The following CSMD1 variants were observed in gnomAD, a reference collection of about 807,000 sequenced individuals.
CSMD1 encodes CUB and sushi domain-containing protein 1.
Under a neutral mutation model 417.5 loss-of-function variants are expected in CSMD1, and 213 were observed. That is an observed-to-expected ratio of 0.51 (90% CI 0.46 to 0.57). The LOEUF (loss-of-function observed/expected upper bound fraction) is 0.57, where lower values mean the gene tolerates loss of function less well. CSMD1 is among the 20% of genes least tolerant of loss of function. The pLI, the probability that CSMD1 is intolerant of heterozygous loss-of-function variation, is 0.00. For missense variants in CSMD1, 6,923 were observed against 4,529.7 expected, an observed-to-expected ratio of 1.53 and a Z score of -15.17; for synonymous variants, 2,862 against 1,736.8, an observed-to-expected ratio of 1.65 and a Z score of -16.11.
intron 5 of CSMD1, among the ~76,000 whole-genome samples, chr8:3,979,810 T>C (rs913883368): frequency 3.9e-4 from 60 of 152,196 alleles, no homozygotes; most frequent in African/African-American, 1.3e-3. Flanking sequence ...GTTATGACAA[T>C]ACAAACCCAT....
chr8:3,717,317 T>C (rs1045986215), intron 6 of CSMD1, among the ~76,000 whole-genome samples: 5 of 152,234 alleles, frequency 3.3e-5, no homozygotes, highest in Non-Finnish European at 7.3e-5. Flanking sequence ...TGAACTTGTA[T>C]GTCAGTTGTT....
At chr8:3,532,382 G>A (rs13249635) in intron 10 of CSMD1, among the ~76,000 whole-genome samples, 1 of 152,164 alleles carries the variant, frequency 6.6e-6, no homozygotes, top group South Asian at 2.1e-4. Flanking sequence ...GTGTGTATGA[G>A]CGAGTGGTGA....
chr8:4,438,381 C>T (rs563062049), intron 2 of CSMD1, among the ~76,000 whole-genome samples: 15 of 152,250 alleles, frequency 9.9e-5, no homozygotes, highest in South Asian at 2.1e-4. Flanking sequence ...GAGCATGCAG[C>T]TTAATTATAA....
chr8:4,341,063 G>C (rs565797374), intron 3 of CSMD1, among the ~76,000 whole-genome samples: 55 of 151,980 alleles, frequency 3.6e-4, no homozygotes, highest in African/African-American at 1.2e-3. Context: ...CAACGTAAAA[G>C]GTAAAACTTG....
chr8:3,863,351 G>A (rs776045666), intron 5 of CSMD1, among the ~76,000 whole-genome samples: 4 of 149,268 alleles, frequency 2.7e-5, no homozygotes, highest in Admixed American at 6.7e-5. Context: ...AGTTGAGATC[G>A]TGCCACTGCA....
chr8:3,510,685 T>C (rs1797027624), intron 10 of CSMD1, among the ~76,000 whole-genome samples: 1 of 44,708 alleles, frequency 2.2e-5, no homozygotes. Flanking sequence ...AGGATTACTT[T>C]TTAATGATTG....
At chr8:2,984,648 C>A (rs142755188) in intron 54 of CSMD1, among the ~76,000 whole-genome samples, 2 of 152,194 alleles carry the variant, frequency 1.3e-5, no homozygotes, top group African/African-American at 4.8e-5. Context: ...CGCCTCGCCT[C>A]ATTCTTTTAC....
At chr8:4,246,820 G>A (rs190836287) in intron 3 of CSMD1, among the ~76,000 whole-genome samples, 1 of 152,232 alleles carries the variant, frequency 6.6e-6, no homozygotes. Flanking sequence ...CATTTGACTT[G>A]TAAATAAATG....
chr8:4,015,857 G>C (rs150974386), intron 4 of CSMD1, among the ~76,000 whole-genome samples: 2 of 152,110 alleles, frequency 1.3e-5, no homozygotes, highest in Non-Finnish European at 2.9e-5. Context: ...TTCGTATGCT[G>C]CCGTTTTCTA....
intron 2 of CSMD1, among the ~76,000 whole-genome samples, chr8:4,433,013 C>T (rs529114435): frequency 6.6e-6 from 1 of 152,056 alleles, no homozygotes; most frequent in East Asian, 1.9e-4. Context: ...CCCACAGGAG[C>T]GTCAACACTG....
chr8:3,036,976 A>G (rs897167706), intron 50 of CSMD1, among the ~76,000 whole-genome samples: 2 of 152,038 alleles, frequency 1.3e-5, no homozygotes, highest in Non-Finnish European at 2.9e-5. Context: ...CCATCTTCCT[A>G]TCTATCATCC....
chr8:4,563,323 C>CCA (rs1311667795), intron 2 of CSMD1, among the ~76,000 whole-genome samples: 1 of 152,192 alleles, frequency 6.6e-6, no homozygotes, highest in African/African-American at 2.4e-5. Context: ...ATGGCGTGAA[C>CCA]CCAGGAGATA....
At chr8:4,924,061 C>A (rs1806688435) in intron 1 of CSMD1, among the ~76,000 whole-genome samples, 1 of 152,108 alleles carries the variant, frequency 6.6e-6, no homozygotes, top group Non-Finnish European at 1.5e-5. Context: ...TCACTGTAGG[C>A]AGAAAAGTGA....
intron 3 of CSMD1, among the ~76,000 whole-genome samples, chr8:4,375,711 T>C (rs1214746448): frequency 6.6e-6 from 1 of 152,178 alleles, no homozygotes; most frequent in Non-Finnish European, 1.5e-5. Context: ...TCTGCATGAC[T>C]GTTTTCTTCC....
At position 4,152,986 on chromosome 8, in the gene CSMD1, G is replaced by C. The variant is rs551752460; in HGVS notation, c.416-120887C>G. 6.6e-5 allele frequency among the ~76,000 whole-genome samples: 10 copies of C among 152,212 alleles called. No homozygotes were observed. In the East Asian group the frequency reaches 1.9e-3, roughly 29 times the overall value. On this transcript the variant is annotated intron_variant, in intron 3 of 69. Transcript: ENST00000635120. The stretch of plus-strand genomic sequence containing the variant: ...TGCCTTCATTTTTCTGCTATGACAA[G>C]GTGAACAAATCTCGTAGCAAGTGCA...
At chr8:2,942,703 C>G in intron 68 of CSMD1, 99 bp from the exon 69 acceptor site, 1 of 899,382 alleles carries the variant, frequency 1.1e-6, no homozygotes, top group Admixed American at 3.5e-5. Context: ...CTTCAAGAAG[C>G]AGACGGAGTT....
At chr8:4,572,603 G>T (rs1223094242) in intron 2 of CSMD1, among the ~76,000 whole-genome samples, 2 of 152,112 alleles carry the variant, frequency 1.3e-5, no homozygotes, top group African/African-American at 2.4e-5. Flanking sequence ...TCTTGGGGTT[G>T]CTCTTCTCAA....
intron 2 of CSMD1, among the ~76,000 whole-genome samples, chr8:4,482,188 C>T (rs1801139357): frequency 6.6e-6 from 1 of 152,026 alleles, no homozygotes; most frequent in Admixed American, 6.6e-5. Context: ...GATTATTTCA[C>T]CCCCCAAGTA....
intron 51 of CSMD1, among the ~76,000 whole-genome samples, chr8:3,026,597 C>T (rs976263083): frequency 1.3e-5 from 2 of 151,914 alleles, no homozygotes; most frequent in Non-Finnish European, 2.9e-5. Flanking sequence ...GACTGGGCCT[C>T]ACTGGACCTC....
Sources: allele counts gnomAD v4.1 joint callset (sites outside exome capture counted in the v4.1 genomes callset), GRCh38; gene constraint gnomAD v4.1.1; transcripts MANE v1.5; gene names NCBI Gene and HGNC (gene_info 2026-07-23, HGNC 2026-07-21).